The following PRKDC variants were observed in gnomAD, a reference collection of about 807,000 sequenced individuals.
The protein encoded by PRKDC is protein kinase, DNA-activated, catalytic subunit, also known as DNA-dependent protein kinase catalytic subunit.
A neutral mutation model predicts 486.9 loss-of-function variants in PRKDC; 82 were observed. The ratio of observed to expected loss-of-function variants is 0.17; its 90% CI spans 0.14 to 0.20. PRKDC has a LOEUF of 0.20. Ranked by LOEUF, PRKDC falls within the 10% of genes least tolerant of loss-of-function variation. The probability of loss-of-function intolerance (pLI) is 1.00; values close to 1 mark genes in which losing one functional copy is unlikely to be tolerated. For missense variants in PRKDC, 4,504 were observed against 5,038.2 expected (o/e 0.89, Z 3.21); for synonymous variants, 1,895 against 1,837.0 (o/e 1.03, Z -0.81).
chr8:47,873,395 C>T (rs544729185), intron 40 of PRKDC, among the ~76,000 whole-genome samples: 16 of 152,158 alleles, frequency 1.1e-4, no homozygotes, highest in African/African-American at 3.1e-4. Flanking sequence ...AAAAAATGAG[C>T]TGGGCAAGGT....
At chr8:47,845,310 G>A (rs898844158) in intron 54 of PRKDC, among the ~76,000 whole-genome samples, 7 of 150,856 alleles carry the variant, frequency 4.6e-5, no homozygotes, top group African/African-American at 1.7e-4. Context: ...ATGAAATTGT[G>A]ATCCAAAAAT....
rs778152859 is a variant in PRKDC, at chr8:47,864,536, T to C, written c.5571+20A>G. 2.4e-5 allele frequency: 38 copies of C among 1,588,506 alleles called. No homozygotes were observed. Among genetic ancestry groups the C allele is most frequent in the Middle Eastern group, 4.4e-4 (2 of 4,556 alleles). The stretch of plus-strand genomic sequence containing the variant: ...AAGTAGGCTGCTCACTTCTTATTAC[T>C]GATTTAAGGCGTATGATACCTTTGT... On this transcript the variant is annotated intron_variant, in intron 41 of 85. Coordinates refer to ENST00000314191, the MANE Select transcript of PRKDC (RefSeq NM_006904.7).
Position 47,879,606 on chromosome 8 carries a change from A to C in PRKDC, c.5120T>G (p.Leu1707Arg). ...CTCCAGAACACGTCTAAGTTCCTCCAGACTGCCTCCAGTGAGGCTGGTGAA... is the reference window on the plus strand; with the variant it reads ...CTCCAGAACACGTCTAAGTTCCTCCCGACTGCCTCCAGTGAGGCTGGTGAA... ...PFFTSLTGGS[L>R]EELRRVLEQL... Residue 1707 changes from leucine to arginine, a missense_variant, in exon 39 of 86, where the codon CTG becomes CGG. This residue lies in a region of PRKDC where 1,969 missense variants were observed against 2,068.9 expected (regional missense o/e 0.95). Coordinates refer to ENST00000314191, the MANE Select transcript of PRKDC (RefSeq NM_006904.7). The C allele has an allele frequency of 6.3e-7, 1 of 1,592,820 alleles. No homozygotes were observed. The highest frequency in any genetic ancestry group is 2.3e-5 in the East Asian group (1 of 44,178).
At chr8:47,796,794 G>A (rs1023303801) in intron 73 of PRKDC, among the ~76,000 whole-genome samples, 29 of 151,902 alleles carry the variant, frequency 1.9e-4, no homozygotes, top group Non-Finnish European at 2.8e-4. Flanking sequence ...GGGTTTCACC[G>A]TGTTGGCCAG....
chr8:47,914,948 C>T (rs922769998), intron 23 of PRKDC, among the ~76,000 whole-genome samples: 12 of 152,130 alleles, frequency 7.9e-5, no homozygotes, highest in African/African-American at 1.2e-4. Context: ...AGCCACCACA[C>T]GCAGCCTACT....
intron 51 of PRKDC, among the ~76,000 whole-genome samples, chr8:47,853,873 C>G (rs1014178365): frequency 6.6e-6 from 1 of 152,122 alleles, no homozygotes; most frequent in African/African-American, 2.4e-5. Flanking sequence ...GCTATGCTGT[C>G]CAGGCTGGTC....
rs564798239 is a variant in PRKDC at position 47,838,429 on chromosome 8, T to C, written c.7553+719A>G. On this transcript the variant is annotated intron_variant, in intron 56 of 85. Coordinates refer to ENST00000314191, the MANE Select transcript of PRKDC (RefSeq NM_006904.7). ...GCATTGAAGCCTAACTTGGGTAACA[T>C]AGCAAGACCCTATCTTTACAAAAAA... Among the ~76,000 whole-genome samples the C allele has an allele frequency of 3.1e-3, 469 of 152,156 alleles. 3 individuals are homozygous for C. Among genetic ancestry groups the C allele is most frequent in the African/African-American group, 0.011 (445 of 41,514 alleles).
chr8:47,839,210 T>C lies in PRKDC; in HGVS notation c.7491A>G (p.Glu2497=). 1 of 1,613,856 alleles carries C rather than the reference T, an allele frequency of 6.2e-7. No homozygotes were observed. Among genetic ancestry groups the C allele is most frequent in the African/African-American group, 1.3e-5 (1 of 75,074 alleles). Residue 2497 remains glutamate, a synonymous_variant, in exon 56 of 86, where the codon GAA becomes GAG. Transcript: ENST00000314191. ...PESETDNDSQ[E]IFKLAKDVLI... ...GCACATCTTTTGCCAACTTAAATAT[T>C]TCCTGGGAGTCATTATCTGTCTCAC...
At chr8:47,847,561 A>G (rs1227375894) in intron 54 of PRKDC, among the ~76,000 whole-genome samples, 1 of 152,186 alleles carries the variant, frequency 6.6e-6, no homozygotes, top group East Asian at 1.9e-4. Context: ...TCTAGGAAAT[A>G]CCCTTCTCAA....
At chr8:47,907,770 G>C (rs550340550) in intron 25 of PRKDC, among the ~76,000 whole-genome samples, 2 of 151,524 alleles carry the variant, frequency 1.3e-5, no homozygotes, top group African/African-American at 4.9e-5. Context: ...CCTGACCCCC[G>C]GCCAATTTAT....
chr8:47,860,834 GAACAAA>G, intron 45 of PRKDC, 59 bp downstream of exon 45: 1 of 1,296,208 alleles, frequency 7.7e-7, no homozygotes, highest in South Asian at 1.4e-5. Context: ...ATTTGTCTTA[GAACAAA>G]ACAAAACAAA....
chr8:47,820,905 C>T lies in PRKDC; in HGVS notation c.9150G>A (p.Lys3050=), dbSNP rs746323240. The T allele has an allele frequency of 6.2e-7, 1 of 1,607,142 alleles. No homozygotes were observed. Among genetic ancestry groups the T allele is most frequent in the Non-Finnish European group, 8.5e-7 (1 of 1,175,672 alleles). The change falls in exon 66 of 86, where the codon AAG becomes AAA. Residue 3050 remains lysine, a synonymous_variant. Transcript: ENST00000314191. ...YLPYMIRSKL[K]LLLQGEADQS... is the part of the protein sequence containing the mutation. Reference sequence around the variant, plus strand: ...GGTCAGCCTCTCCCTGGAGCAGCAGCTTCAGCTTGCTGCGGATCATGTAAG... The same window carrying T: ...GGTCAGCCTCTCCCTGGAGCAGCAGTTTCAGCTTGCTGCGGATCATGTAAG...
At chr8:47,834,621 C>T (rs994955265) in intron 58 of PRKDC, among the ~76,000 whole-genome samples, 2 of 152,080 alleles carry the variant, frequency 1.3e-5, no homozygotes, top group African/African-American at 2.4e-5. Flanking sequence ...GTAAGAAACA[C>T]GCCACTTGCT....
intron 1 of PRKDC, among the ~76,000 whole-genome samples, chr8:47,957,875 A>AT (rs1410639655): frequency 6.6e-6 from 1 of 152,210 alleles, no homozygotes; most frequent in Non-Finnish European, 1.5e-5. Context: ...AGGTTGCTGT[A>AT]TTAAAACAAA....
Position 47,862,068 on chromosome 8 carries a change from T to A in PRKDC, c.5979A>T (p.Glu1993Asp). 1 of 1,551,090 alleles carries A rather than the reference T, an allele frequency of 6.4e-7. No homozygotes were observed. Among genetic ancestry groups the A allele is most frequent in the South Asian group, 1.2e-5 (1 of 83,194 alleles). ...DLKRRYNFPV[E>D]VEVPMERKKK... ...CATTGAAAATTTCACTCACCTCAACTTCTACAGGAAAATTATAGCGGCGCT... is the reference window on the plus strand; with the variant it reads ...CATTGAAAATTTCACTCACCTCAACATCTACAGGAAAATTATAGCGGCGCT... The change falls in exon 44 of 86, where the codon GAA becomes GAT. Residue 1993 changes from glutamate (E) to aspartate (D), a missense_variant. Glu to Asp is a conservative substitution (Grantham distance 45, BLOSUM62 2). This residue lies in a region of PRKDC where 1,592 missense variants were observed against 1,724.6 expected (regional missense o/e 0.92). Transcript: ENST00000314191.
chr8:47,805,273 TC>T (rs2087196069), intron 69 of PRKDC: 1 of 152,170 alleles, frequency 6.6e-6, no homozygotes, highest in Non-Finnish European at 1.5e-5. Flanking sequence ...GGTTCCAGTT[TC>T]CCCCATCTTC....
At chr8:47,824,301 C>A (rs1024751082) in intron 63 of PRKDC, among the ~76,000 whole-genome samples, 1 of 151,646 alleles carries the variant, frequency 6.6e-6, no homozygotes, top group Admixed American at 6.6e-5. Flanking sequence ...GGTGAAACCC[C>A]GTCTCTACTA....
chr8:47,926,974 G>C, intron 21 of PRKDC: 1 of 506,940 alleles, frequency 2.0e-6, no homozygotes, highest in Non-Finnish European at 3.4e-6. Context: ...ATCTTAGTAA[G>C]CTATAAGTGA....
intron 40 of PRKDC, among the ~76,000 whole-genome samples, chr8:47,873,269 G>C (rs1252973821): frequency 6.7e-6 from 1 of 150,196 alleles, no homozygotes; most frequent in Non-Finnish European, 1.5e-5. Flanking sequence ...AAGCGAGTTG[G>C]CTCAAGCCTG....
Sources: allele counts gnomAD v4.1 joint callset (sites outside exome capture counted in the v4.1 genomes callset), GRCh38; gene constraint gnomAD v4.1.1; regional missense constraint gnomAD v4.1.1; transcripts MANE v1.5; gene names NCBI Gene and HGNC (gene_info 2026-07-23, HGNC 2026-07-21).